Variants in IL20RA observed in about 807,000 individuals in gnomAD.
IL20RA encodes the protein interleukin-20 receptor subunit alpha.
Under a neutral mutation model 36.5 loss-of-function variants are expected in IL20RA, and 29 were observed. The observed-to-expected ratio is 0.79, with a 90% CI of 0.59 to 1.08. The LOEUF is 1.08. Ranked by LOEUF, IL20RA falls within the 50% of genes least tolerant of loss-of-function variation. The pLI is 0.00. For synonymous variants in IL20RA, 279 were observed against 267.1 expected, an observed-to-expected ratio of 1.04 and a Z score of -0.43; for missense variants, 652 against 668.4, an observed-to-expected ratio of 0.98 and a Z score of 0.27.
At chr6:137,032,052 C>CAAAAAAAA (rs11379045) in intron 1 of IL20RA, among the ~76,000 whole-genome samples, 2 of 61,922 alleles carry the variant, frequency 3.2e-5, no homozygotes, top group Middle Eastern at 9.4e-3. Flanking sequence ...GATTCTGTCT[C>CAAAAAAAA]AAAAAAAAAA....
intron 1 of IL20RA, chr6:137,044,060 AC>A: frequency 1.0e-6 from 1 of 971,224 alleles, no homozygotes; most frequent in Non-Finnish European, 1.2e-6. Context: ...TGCAAAGGAA[AC>A]AACGGCGTAC....
At chr6:137,025,347 G>A (rs1178374195) in intron 1 of IL20RA, among the ~76,000 whole-genome samples, 1 of 152,176 alleles carries the variant, frequency 6.6e-6, no homozygotes, top group Non-Finnish European at 1.5e-5. Context: ...AGGACATAGT[G>A]AGAAGATGAC....
chr6:137,010,558 T>C (rs1382599481), intron 3 of IL20RA, among the ~76,000 whole-genome samples: 2 of 152,224 alleles, frequency 1.3e-5, no homozygotes, highest in Non-Finnish European at 2.9e-5. Context: ...CCTGGACTTA[T>C]GGAGCACTTG....
rs931616098 is a variant in IL20RA, at chr6:137,038,730, T to A, written c.88+5911A>T. Among the ~76,000 whole-genome samples the A allele has an allele frequency of 5.9e-5, 9 of 152,178 alleles. No homozygotes were observed. The South Asian group carries it at 1.0e-3, about 18-fold the overall frequency. ...TGAAGCCTCAGATGATCATTTTTTT[T>A]AAATCAATATGGAAGTCAGCATGTC... On this transcript the variant is annotated intron_variant, in intron 1 of 6. Coordinates refer to ENST00000316649, the MANE Select transcript of IL20RA (RefSeq NM_014432.4).
chr6:137,029,436 G>T (rs1199890015), intron 1 of IL20RA, among the ~76,000 whole-genome samples: 3 of 152,224 alleles, frequency 2.0e-5, no homozygotes, highest in African/African-American at 7.2e-5. Flanking sequence ...GAACCTGGGA[G>T]GCGGAGGTTG....
intron 1 of IL20RA, among the ~76,000 whole-genome samples, chr6:137,026,233 A>T (rs1475129755): frequency 6.6e-6 from 1 of 152,216 alleles, no homozygotes; most frequent in Non-Finnish European, 1.5e-5. Context: ...AGAGGCTCTG[A>T]TCTGTTGGAC....
At chr6:137,043,690 G>T (rs557600404) in intron 1 of IL20RA, among the ~76,000 whole-genome samples, 24 of 152,162 alleles carry the variant, frequency 1.6e-4, no homozygotes, top group Admixed American at 5.9e-4. Flanking sequence ...CTTTCTTCCT[G>T]CATTCACTCT....
chr6:137,035,303 T>C (rs1776454501), intron 1 of IL20RA, among the ~76,000 whole-genome samples: 2 of 152,072 alleles, frequency 1.3e-5, no homozygotes, highest in African/African-American at 4.8e-5. Context: ...AAGGAGAATG[T>C]GATGTGATAT....
intron 1 of IL20RA, among the ~76,000 whole-genome samples, chr6:137,039,329 A>C (rs1776597826): frequency 1.3e-5 from 2 of 152,156 alleles, no homozygotes; most frequent in Non-Finnish European, 1.5e-5. Flanking sequence ...TGGGTACATG[A>C]TACTCTCTGG....
chr6:137,034,158 C>T (rs377206682), intron 1 of IL20RA, among the ~76,000 whole-genome samples: 1 of 152,136 alleles, frequency 6.6e-6, no homozygotes, highest in Non-Finnish European at 1.5e-5. Flanking sequence ...CCTACAGTCA[C>T]AAAACCCCTG....
intron 1 of IL20RA, chr6:137,042,766 C>T (rs1776746368): frequency 1.3e-5 from 2 of 152,022 alleles, no homozygotes; most frequent in Non-Finnish European, 1.5e-5. Context: ...AAAATGAGAG[C>T]ATTAAAGCAT....
intron 5 of IL20RA, among the ~76,000 whole-genome samples, chr6:137,005,435 C>G (rs1355808324): frequency 2.0e-5 from 3 of 152,086 alleles, no homozygotes; most frequent in Admixed American, 2.0e-4. Context: ...ATGAAAAGAC[C>G]TGGGAAATCG....
rs552253478 is a variant in IL20RA, at chr6:137,036,096, G to A, written c.88+8545C>T. Among the ~76,000 whole-genome samples, 10 of 152,228 alleles carry A rather than the reference G, an allele frequency of 6.6e-5. No individual in the cohort carries two copies. In the South Asian group the frequency reaches 1.5e-3, roughly 22 times the overall value. ...CAGCTCTGCCTTATGGTCAAGTTAC[G>A]GAAAGCACAAGAGAAGACCTCGTCC... On this transcript the variant is annotated intron_variant, in intron 1 of 6. Coordinates refer to ENST00000316649, the MANE Select transcript of IL20RA (RefSeq NM_014432.4).
At chr6:137,004,174 T>TGGTTTTTTTTTTG (rs548602821) in intron 6 of IL20RA, among the ~76,000 whole-genome samples, 2 of 124,450 alleles carry the variant, frequency 1.6e-5, no homozygotes, top group African/African-American at 6.3e-5. Flanking sequence ...TTTTTTTTTT[T>TGGTTTTTTTTTTG]TTTTTTTTTT....
intron 1 of IL20RA, among the ~76,000 whole-genome samples, chr6:137,035,445 T>G (rs1582840491): frequency 6.6e-6 from 1 of 152,254 alleles, no homozygotes; most frequent in East Asian, 1.9e-4. Flanking sequence ...CTAAAGAAAC[T>G]GTTTTCCTCA....
rs138395343 is a variant in IL20RA at position 137,005,415 on chromosome 6, C to T, written c.725-655G>A. ...TGTAGGCTCATGATGAGTAAAAGTC[C>T]GCAGAGGAAATGAAAAGACCTGGGA... On this transcript the variant is annotated intron_variant, in intron 5 of 6. Coordinates refer to ENST00000316649, the MANE Select transcript of IL20RA (RefSeq NM_014432.4). Among the ~76,000 whole-genome samples the T allele has an allele frequency of 4.3e-3, 651 of 152,160 alleles. 2 individuals carry two copies. The highest frequency in any genetic ancestry group is 8.2e-3 in the Admixed American group (126 of 15,290).
At chr6:137,011,217 G>A in intron 3 of IL20RA, 57 bp downstream of exon 3, 3 of 1,427,646 alleles carry the variant, frequency 2.1e-6, no homozygotes, top group Admixed American at 3.8e-5. Context: ...GGCTGAGACT[G>A]TTAAACCTGA....
intron 1 of IL20RA, among the ~76,000 whole-genome samples, chr6:137,021,150 G>T (rs1381119148): frequency 6.6e-6 from 1 of 151,612 alleles, no homozygotes; most frequent in African/African-American, 2.4e-5. Context: ...TTTATTTTCA[G>T]AAATGGATGC....
At chr6:137,015,477 C>T (rs1187890337) in intron 2 of IL20RA, among the ~76,000 whole-genome samples, 1 of 152,172 alleles carries the variant, frequency 6.6e-6, no homozygotes, top group Non-Finnish European at 1.5e-5. Context: ...CATAGCAAAG[C>T]TTTCTGGAAA....
Sources: gnomAD v4.1 joint callset for allele counts (sites outside exome capture counted in the v4.1 genomes callset) on GRCh38, gnomAD v4.1.1 for gene constraint, MANE v1.5 for transcripts, NCBI Gene and HGNC (gene_info 2026-07-23, HGNC 2026-07-21) for gene names.